Variants in MUC5B observed in about 807,000 individuals in gnomAD.
The protein encoded by MUC5B is mucin 5B, oligomeric mucus/gel-forming, also known as mucin-5B.
A neutral mutation model predicts 376.9 loss-of-function variants in MUC5B; 116 were observed. The observed-to-expected ratio is 0.31, with a 90% CI of 0.26 to 0.36. The LOEUF (loss-of-function observed/expected upper bound fraction) is 0.36. Ranked by LOEUF, MUC5B falls within the 10% of genes least tolerant of loss-of-function variation. The pLI, the probability that MUC5B is intolerant of heterozygous loss-of-function variation, is 1.00. For synonymous variants in MUC5B, 3,517 were observed against 3,390.9 expected, an observed-to-expected ratio of 1.04 and a Z score of -1.29; for missense variants, 7,165 against 7,769.9, an observed-to-expected ratio of 0.92 and a Z score of 2.93.
chr11:1,254,754 G>C lies in MUC5B; in HGVS notation c.15538G>C (p.Val5180Leu). The change falls in exon 35 of 49, where the codon GTG (valine) becomes CTG (leucine). Residue 5180 changes from valine to leucine, a missense_variant. Physicochemically the swap from Val to Leu is conservative, Grantham distance 32. Transcript: ENST00000529681. ...CAGCAAGAACGGCGTGCTTGTGTCT[G>C]TGCTGGGGACCACCACCATGCGTGT... is the stretch of plus-strand genomic sequence containing the variant. ...GFSKNGVLVSVLGTTTMRVDI... is the reference protein window; with the variant it reads ...GFSKNGVLVSLLGTTTMRVDI... 1 of 1,612,962 alleles carries C rather than the reference G, an allele frequency of 6.2e-7. No homozygotes were observed. The highest frequency in any genetic ancestry group is 8.5e-7 in the Non-Finnish European group (1 of 1,179,794).
Position 1,240,873 on chromosome 11 carries a change from C to A in MUC5B, c.3993C>A (p.Thr1331=), listed in dbSNP as rs768915543. 3.7e-6 allele frequency: 6 copies of A among 1,611,114 alleles called. No individual in the cohort carries two copies. Among genetic ancestry groups the A allele is most frequent in the Non-Finnish European group, 5.1e-6 (6 of 1,179,338 alleles). ...CAGGCCCGGCCCTCCCGGTCTCCAC[C>A]GTGTGTGTCCGCGAGGTCTGCCGCT... The part of the protein sequence containing the change: ...STTSPALPVS[T]VCVREVCRWS... Residue 1331 remains threonine (T), a synonymous_variant, in exon 31 of 49, where the codon ACC becomes ACA. Transcript: ENST00000529681.
Position 1,242,220 on chromosome 11 carries a change from C to A in MUC5B, c.5340C>A (p.Gly1780=). 1.9e-6 allele frequency: 3 copies of A among 1,613,728 alleles called. No individual in the cohort carries two copies. Among genetic ancestry groups the A allele is most frequent in the Non-Finnish European group, 2.5e-6 (3 of 1,179,874 alleles). ...SPLTNTTTSQ[G]TTRCQPKCEW... is the part of the protein sequence containing the mutation. The stretch of plus-strand genomic sequence containing the variant: ...TGACTAACACCACCACCAGCCAGGG[C>A]ACGACCCGCTGTCAACCGAAGTGTG... Residue 1780 remains glycine (G), a synonymous_variant, in exon 31 of 49, where the codon GGC becomes GGA. Transcript: ENST00000529681.
In MUC5B at chr11:1,250,551, G is replaced by T; in HGVS notation, c.13671G>T (p.Glu4557Asp). 1.2e-6 allele frequency: 2 copies of T among 1,613,012 alleles called. No homozygotes were observed. The highest frequency in any genetic ancestry group is 1.7e-6 in the Non-Finnish European group (2 of 1,179,754). Residue 4557 changes from glutamate to aspartate, a missense_variant, in exon 31 of 49, where the codon GAG becomes GAT. Around this residue, in one of 31 missense-constraint regions of MUC5B, gnomAD observed 730 missense variants for 592.7 expected, o/e 1.23. Coordinates refer to ENST00000529681, the MANE Select transcript of MUC5B (RefSeq NM_002458.3). Reference sequence around the variant, plus strand: ...CAGCCACACCCTCCTCCACTCCAGAGACTGTCCACACCTCCACAGTGCTTA... The same window carrying T: ...CAGCCACACCCTCCTCCACTCCAGATACTGTCCACACCTCCACAGTGCTTA... ...MSTATPSSTP[E>D]TVHTSTVLTA...
rs1243410574 is a variant in MUC5B, at chr11:1,252,996, G to C, written c.15217+16G>C. Reference sequence around the variant, plus strand: ...GAGTGCGAGTGTGAGTGCGTCGGTGGCCGCGGGATTACCCCGGGGGCAGGT... The same window carrying C: ...GAGTGCGAGTGTGAGTGCGTCGGTGCCCGCGGGATTACCCCGGGGGCAGGT... On this transcript the variant is annotated intron_variant, in intron 33 of 48. Transcript: ENST00000529681. 20 of 1,612,410 alleles carry C rather than the reference G, an allele frequency of 1.2e-5. No individual in the cohort carries two copies. The highest frequency in any genetic ancestry group is 1.4e-5 in the Non-Finnish European group (17 of 1,179,812).
Position 1,249,876 on chromosome 11 carries a change from G to C in MUC5B, c.12996G>C (p.Gly4332=). ...CACCCATCCCCTCCTCCACCCTTGGGACCACCGGGACCCTCCCAGAACAGA... is the reference window on the plus strand; with the variant it reads ...CACCCATCCCCTCCTCCACCCTTGGCACCACCGGGACCCTCCCAGAACAGA... ...SVTPIPSSTL[G]TTGTLPEQTT... is the part of the protein sequence containing the mutation. Residue 4332 remains glycine (G), a synonymous_variant, in exon 31 of 49, where the codon GGG becomes GGC. Transcript: ENST00000529681. The C allele has an allele frequency of 2.5e-6, 4 of 1,612,500 alleles. No individual in the cohort carries two copies. Among genetic ancestry groups the C allele is most frequent in the Non-Finnish European group, 2.5e-6 (3 of 1,179,472 alleles).
Position 1,241,690 on chromosome 11 carries a change from A to G in MUC5B, c.4810A>G (p.Arg1604Gly), listed in dbSNP as rs746380892. 14 of 1,612,226 alleles carry G rather than the reference A, an allele frequency of 8.7e-6. No individual in the cohort carries two copies. Among genetic ancestry groups the G allele is most frequent in the African/African-American group, 1.3e-5 (1 of 74,844 alleles). Residue 1604 changes from arginine to glycine, a missense_variant, in exon 31 of 49, where the codon AGG becomes GGG. This residue lies in a region of MUC5B where 897 missense variants were observed against 779.6 expected (regional missense o/e 1.15). Transcript: ENST00000529681. Reference sequence around the variant, plus strand: ...CCTCTGCTGCAGTGACGACCACTGCAGGGGACGTGCCACAACCCCGCCACC... The same window carrying G: ...CCTCTGCTGCAGTGACGACCACTGCGGGGGACGTGCCACAACCCCGCCACC... Reference protein sequence around the residue: ...RVLCCSDDHCRGRATTPPPTT... With the variant: ...RVLCCSDDHCGGRATTPPPTT...
intron 18 of MUC5B, among the ~76,000 whole-genome samples, chr11:1,233,558 A>G (rs1862082768): frequency 6.6e-6 from 1 of 152,152 alleles, no homozygotes; most frequent in South Asian, 2.1e-4. Context: ...CTGGGCTCAA[A>G]GGCCGCTCCT....
At position 1,248,452 on chromosome 11, in the gene MUC5B, G is replaced by A; in HGVS notation, c.11572G>A (p.Gly3858Arg). ...TGTGGCCACCCCCTCTTCCACCCCA[G>A]GAACAGCTCACACTACCAAAGTGCC... ...GSVATPSSTP[G>R]TAHTTKVPTT... Residue 3858 changes from glycine (G) to arginine (R), a missense_variant, in exon 31 of 49, where the codon GGA becomes AGA. By Grantham distance (125) the Gly-to-Arg change is moderately radical. Transcript: ENST00000529681. The A allele has an allele frequency of 1.2e-6, 2 of 1,609,844 alleles. No individual in the cohort carries two copies. The highest frequency in any genetic ancestry group is 1.7e-6 in the Non-Finnish European group (2 of 1,177,808).
intron 36 of MUC5B, 55 bp from the exon 37 acceptor site, chr11:1,255,328 C>T (rs1053921050): frequency 5.0e-5 from 68 of 1,372,594 alleles, no homozygotes; most frequent in Middle Eastern, 1.8e-4. Flanking sequence ...CATGCACGCA[C>T]GCACGCAGCT....
In MUC5B at chr11:1,246,283, C is replaced by T. The variant is rs375731926; in HGVS notation, c.9403C>T (p.Leu3135Phe). 1.7e-5 allele frequency: 27 copies of T among 1,610,654 alleles called. No individual in the cohort carries two copies. Among genetic ancestry groups the T allele is most frequent in the Non-Finnish European group, 2.3e-5 (27 of 1,178,078 alleles). Reference sequence around the variant, plus strand: ...CTCCACTCCGGGGACGACCTGGATCCTCACAGAGCTGACCACAGCAGCCAC... The same window carrying T: ...CTCCACTCCGGGGACGACCTGGATCTTCACAGAGCTGACCACAGCAGCCAC... ...PSSTPGTTWILTELTTAATTT... is the reference protein window; with the variant it reads ...PSSTPGTTWIFTELTTAATTT... The change falls in exon 31 of 49, where the codon CTC (leucine) becomes TTC (phenylalanine). Residue 3135 changes from leucine (L) to phenylalanine (F), a missense_variant. Leu to Phe is a conservative substitution (Grantham distance 22, BLOSUM62 0). Around this residue, in one of 31 missense-constraint regions of MUC5B, gnomAD observed 939 missense variants for 770.6 expected, o/e 1.22. Transcript: ENST00000529681.
chr11:1,254,396 C>T lies in MUC5B; in HGVS notation c.15477+45C>T, dbSNP rs569730741. 138 of 1,586,866 alleles carry T rather than the reference C, an allele frequency of 8.7e-5. No individual in the cohort carries two copies. The East Asian group carries it at 1.9e-3, about 22-fold the overall frequency. ...GGCACAGTGTTGGCCCAGTCCCAAC[C>T]GCACCTGGGCAGGCCGACTGCAGGC... On this transcript the variant is annotated intron_variant, in intron 34 of 48. Transcript: ENST00000529681.
rs371356619 is a variant in MUC5B, at chr11:1,241,047, G to A, written c.4167G>A (p.Pro1389=). 2.2e-4 allele frequency: 349 copies of A among 1,612,404 alleles called. No individual in the cohort carries two copies. Among genetic ancestry groups the A allele is most frequent in the Admixed American group, 5.7e-4 (34 of 60,004 alleles). The change falls in exon 31 of 49, where the codon CCG becomes CCA. Residue 1389 remains proline, a synonymous_variant. Coordinates refer to ENST00000529681, the MANE Select transcript of MUC5B (RefSeq NM_002458.3). ...GGGCGGCGCAGCTTCCCGACATGCC[G>A]CTGGAGGAGCTGGGCCAGCAGGTGG... ...ECRAAQLPDM[P]LEELGQQVDC... is the part of the protein sequence containing the mutation.
In MUC5B at chr11:1,234,256, C is replaced by T; in HGVS notation, c.2429C>T (p.Thr810Ile). The change falls in exon 20 of 49, where the codon ACC becomes ATC. Residue 810 changes from threonine to isoleucine, a missense_variant. Thr to Ile is a moderately conservative substitution (Grantham distance 89). Transcript: ENST00000529681. This position sits in a 1 kb window ranked among gnomAD's most constrained non-coding sequence, Gnocchi z 6.3. Reference sequence around the variant, plus strand: ...GACTGCAGCAACAGCTCGGCGGGCACCCCTGGGGCCGAGTGCCTCCGGAGC... The same window carrying T: ...GACTGCAGCAACAGCTCGGCGGGCATCCCTGGGGCCGAGTGCCTCCGGAGC... ...YLDCSNSSAG[T>I]PGAECLRSCH... 6.2e-7 allele frequency: 1 copy of T among 1,607,112 alleles called. No individual in the cohort carries two copies. Among genetic ancestry groups the T allele is most frequent in the Non-Finnish European group, 8.5e-7 (1 of 1,178,484 alleles).
At chr11:1,231,642 C>T in intron 14 of MUC5B, 82 bp downstream of exon 14, 3 of 1,452,550 alleles carry the variant, frequency 2.1e-6, no homozygotes, top group Non-Finnish European at 2.7e-6. Context: ...GAGGGGCAGG[C>T]AGAGGCGGGC....
chr11:1,232,642 A>C lies in MUC5B; in HGVS notation c.1939-2A>C, dbSNP rs1862054627. 1 of 1,601,926 alleles carries C rather than the reference A, an allele frequency of 6.2e-7. No homozygotes were observed. The highest frequency in any genetic ancestry group is 8.5e-7 in the Non-Finnish European group (1 of 1,175,112). On this transcript the variant is annotated splice_acceptor_variant, in intron 16 of 48. Coordinates refer to ENST00000529681, the MANE Select transcript of MUC5B (RefSeq NM_002458.3). LOFTEE classifies it high-confidence loss of function. ...ACGCCCCGATGCCTCCCACCTCCGC[A>C]GAACTGCATGTTTGACACCTGCAAC...
chr11:1,232,394 T>G (rs1862047214), intron 15 of MUC5B, 56 bp from the exon 16 acceptor site: 2 of 1,530,570 alleles, frequency 1.3e-6, no homozygotes, highest in Middle Eastern at 1.7e-4. Context: ...GGCCTGCGTG[T>G]CAGGGGTGTG....
rs760376442 is a variant in MUC5B, at chr11:1,256,190, A to T, written c.16101A>T (p.Pro5367=). The change falls in exon 38 of 49, where the codon CCA becomes CCT. Residue 5367 remains proline, a synonymous_variant. Transcript: ENST00000529681. ...GCCCACCCACCAAAGTGTACAAGCC[A>T]TGCGGCCCCATACAGCCTGCCACCT... ...LTCPPTKVYK[P]CGPIQPATCN... The T allele has an allele frequency of 2.7e-6, 2 of 735,778 alleles. No homozygotes were observed. The highest frequency in any genetic ancestry group is 1.5e-5 in the South Asian group (1 of 68,762). 45.6% of individuals were successfully genotyped at this position (735,778 alleles called of 1,614,324 possible). A position where few individuals can be genotyped will look rare whatever the true frequency, so the allele number is the denominator to read the frequency against.
intron 17 of MUC5B, 51 bp from the exon 18 acceptor site, chr11:1,232,962 G>A (rs1590171237): frequency 3.3e-6 from 5 of 1,506,022 alleles, no homozygotes; most frequent in Middle Eastern, 1.7e-4. Flanking sequence ...GATGGGGGCT[G>A]GCCAGGCTGC....
At position 1,231,977 on chromosome 11, in the gene MUC5B, C is replaced by T; in HGVS notation, c.1679-19C>T. On this transcript the variant is annotated intron_variant, in intron 14 of 48. Coordinates refer to ENST00000529681, the MANE Select transcript of MUC5B (RefSeq NM_002458.3). ...GGGCCCAACAGTGGCCGCTGACATC[C>T]CCCAACCCTGGCCCCCAGGCCTGTG... The T allele has an allele frequency of 6.2e-7, 1 of 1,612,328 alleles. No individual in the cohort carries two copies. Among genetic ancestry groups the T allele is most frequent in the African/African-American group, 1.3e-5 (1 of 75,038 alleles).
Sources: allele counts gnomAD v4.1 joint callset (sites outside exome capture counted in the v4.1 genomes callset), GRCh38; gene constraint gnomAD v4.1.1; regional missense constraint gnomAD v4.1.1; non-coding constraint Gnocchi (gnomAD v3.1); transcripts MANE v1.5; gene names NCBI Gene and HGNC (gene_info 2026-07-23, HGNC 2026-07-21).